Variants in DYTN observed in about 807,000 individuals in gnomAD.
DYTN encodes dystrotelin.
Under a neutral mutation model 69.6 loss-of-function variants are expected in DYTN, and 75 were observed. That is an observed-to-expected ratio of 1.08 (90% CI 0.89 to 1.31). The LOEUF (loss-of-function observed/expected upper bound fraction) is 1.31. Among genes scored for constraint, DYTN ranks in the 50% most tolerant of loss-of-function variants. The pLI is 0.00. For synonymous variants in DYTN, 252 were observed against 249.1 expected, an observed-to-expected ratio of 1.01 and a Z score of -0.11; for missense variants, 726 against 688.4, an observed-to-expected ratio of 1.05 and a Z score of -0.61.
At chr2:206,661,864 G>C (rs905009390) in intron 11 of DYTN, among the ~76,000 whole-genome samples, 2 of 152,148 alleles carry the variant, frequency 1.3e-5, no homozygotes, top group African/African-American at 4.8e-5. Context: ...CTGTGTATGT[G>C]TGTCTATAAA....
intron 9 of DYTN, among the ~76,000 whole-genome samples, chr2:206,690,851 T>C (rs918740472): frequency 1.3e-5 from 2 of 152,126 alleles, no homozygotes; most frequent in African/African-American, 4.8e-5. Flanking sequence ...GGCTTAGTCA[T>C]ATGTGAGGCA....
intron 11 of DYTN, among the ~76,000 whole-genome samples, chr2:206,652,765 A>G (rs1699402069): frequency 1.3e-5 from 2 of 152,188 alleles, no homozygotes; most frequent in South Asian, 4.1e-4. Context: ...GTAAAGACAT[A>G]CATATGTGCA....
At chr2:206,665,733 TG>T in intron 10 of DYTN, 136 bp downstream of exon 10, 1 of 973,356 alleles carries the variant, frequency 1.0e-6, no homozygotes, top group East Asian at 2.7e-5. Context: ...GATGAGGAAA[TG>T]GGAGGTCAGG....
At chr2:206,699,983 G>A in intron 6 of DYTN, 93 bp from the exon 7 acceptor site, 3 of 1,547,290 alleles carry the variant, frequency 1.9e-6, no homozygotes, top group South Asian at 1.3e-5. Context: ...TTCTGCTGAA[G>A]AAGTTTATCA....
intron 5 of DYTN, among the ~76,000 whole-genome samples, chr2:206,701,401 T>A (rs1349468309): frequency 6.6e-6 from 1 of 152,168 alleles, no homozygotes; most frequent in African/African-American, 2.4e-5. Context: ...TAAGTGTCCA[T>A]TGACAGATGA....
chr2:206,687,280 A>G (rs1699822043), intron 9 of DYTN: 1 of 155,242 alleles, frequency 6.4e-6, no homozygotes, highest in South Asian at 1.8e-4. Flanking sequence ...CTGAATCCTT[A>G]CAAGATACGA....
At chr2:206,693,115 T>C in intron 9 of DYTN, 60 bp downstream of exon 9, 2 of 1,530,022 alleles carry the variant, frequency 1.3e-6, no homozygotes, top group Non-Finnish European at 1.8e-6. Flanking sequence ...CCGGTTACCA[T>C]AACACCCAGG....
intron 11 of DYTN, among the ~76,000 whole-genome samples, chr2:206,652,996 GTTTAC>G (rs1194848842): frequency 2.0e-5 from 3 of 152,106 alleles, no homozygotes; most frequent in Non-Finnish European, 4.4e-5. Flanking sequence ...TATGTTAGTT[GTTTAC>G]TTTATAGCTA....
chr2:206,651,844 G>C lies in DYTN; in HGVS notation c.1711C>G (p.Gln571Glu). 1 of 1,613,582 alleles carries C rather than the reference G, an allele frequency of 6.2e-7. No homozygotes were observed. The highest frequency in any genetic ancestry group is 1.1e-5 in the South Asian group (1 of 91,016). Reference sequence around the variant, plus strand: ...CACTTCAAATTGGGCAAGGCAATTTGATCAACAAGGGCAGAGAAGGCCCTG... The same window carrying C: ...CACTTCAAATTGGGCAAGGCAATTTCATCAACAAGGGCAGAGAAGGCCCTG... ...VCRAFSALVDQIALPNLK is the reference protein window; with the variant it reads ...VCRAFSALVDEIALPNLK The change falls in exon 12 of 12, where the codon CAA (glutamine) becomes GAA (glutamate). Residue 571 changes from glutamine (Q) to glutamate (E), a missense_variant. Physicochemically the swap from Gln to Glu is conservative, Grantham distance 29 (BLOSUM62 2). Transcript: ENST00000452335.
intron 9 of DYTN, among the ~76,000 whole-genome samples, chr2:206,677,680 GA>G (rs1699705134): frequency 6.6e-6 from 1 of 152,058 alleles, no homozygotes; most frequent in African/African-American, 2.4e-5. Context: ...AAATTACAAA[GA>G]AAAAGAAAGA....
intron 9 of DYTN, among the ~76,000 whole-genome samples, chr2:206,688,604 G>T (rs1574596828): frequency 6.6e-6 from 1 of 152,244 alleles, no homozygotes; most frequent in East Asian, 1.9e-4. Flanking sequence ...TACTGAAAAA[G>T]CACCAGGAGT....
chr2:206,698,068 C>T (rs1429059673), intron 7 of DYTN, among the ~76,000 whole-genome samples: 1 of 152,146 alleles, frequency 6.6e-6, no homozygotes, highest in African/African-American at 2.4e-5. Flanking sequence ...CTAATACTTG[C>T]TTATTGGTTA....
chr2:206,653,265 G>A (rs562373130), intron 11 of DYTN, among the ~76,000 whole-genome samples: 2 of 152,072 alleles, frequency 1.3e-5, no homozygotes, highest in Non-Finnish European at 2.9e-5. Flanking sequence ...CTCACATACT[G>A]TAATTTTTCT....
At chr2:206,690,698 A>G (rs769439567) in intron 9 of DYTN, among the ~76,000 whole-genome samples, 5 of 152,204 alleles carry the variant, frequency 3.3e-5, no homozygotes, top group Non-Finnish European at 7.3e-5. Context: ...TTGGAGTTGC[A>G]AGAGGGAGTG....
In DYTN at chr2:206,700,186, G is replaced by A. The variant is rs1699962511; in HGVS notation, c.514C>T (p.Leu172=). The part of the protein sequence containing the change: ...IPTFVGESRA[L]CPVESATRSC... Reference sequence around the variant, plus strand: ...CGGGTGGCACTTTCCACAGGGCACAGAGCACGACTCTCTCCCACGAAAGTT... The same window carrying A: ...CGGGTGGCACTTTCCACAGGGCACAAAGCACGACTCTCTCCCACGAAAGTT... The change falls in exon 6 of 12, where the codon CTG becomes TTG. Residue 172 remains leucine (L), a synonymous_variant. Coordinates refer to ENST00000452335, the MANE Select transcript of DYTN (RefSeq NM_001093730.1). 1 of 1,613,904 alleles carries A rather than the reference G, an allele frequency of 6.2e-7. No homozygotes were observed. Among genetic ancestry groups the A allele is most frequent in the Middle Eastern group, 1.6e-4 (1 of 6,062 alleles).
intron 9 of DYTN, among the ~76,000 whole-genome samples, chr2:206,683,797 C>T (rs76288816): frequency 0.034 from 5,129 of 152,178 alleles, 114 homozygotes; most frequent in Middle Eastern, 0.065. Context: ...CTGGCTGTCT[C>T]CTCAGTTTGC....
rs183008564 is a variant in DYTN at position 206,705,948 on chromosome 2, A to G, written c.297-75T>C. 1.9e-3 allele frequency: 2,765 copies of G among 1,491,652 alleles called. 5 individuals are homozygous for G. The highest frequency in any genetic ancestry group is 2.4e-3 in the Non-Finnish European group (2,583 of 1,087,830). The allele number at this position is 1,491,652 out of a possible 1,614,324, so 92.4% of individuals were successfully genotyped here. A position where few individuals can be genotyped will look rare whatever the true frequency, so the allele number is the denominator to read the frequency against. On this transcript the variant is annotated intron_variant, in intron 3 of 11. Coordinates refer to ENST00000452335, the MANE Select transcript of DYTN (RefSeq NM_001093730.1). ...TTTGGTGTAATGGATGATAAAAACCATAACTATTAATGGGCATTTCTGATA... is the reference window on the plus strand; with the variant it reads ...TTTGGTGTAATGGATGATAAAAACCGTAACTATTAATGGGCATTTCTGATA...
intron 1 of DYTN, among the ~76,000 whole-genome samples, chr2:206,717,959 T>C (rs898479342): frequency 3.9e-5 from 6 of 152,212 alleles, no homozygotes; most frequent in Non-Finnish European, 7.3e-5. Context: ...TGAATATACA[T>C]AAAACTAAGG....
intron 7 of DYTN, among the ~76,000 whole-genome samples, chr2:206,698,376 G>T (rs1699942608): frequency 6.6e-6 from 1 of 152,088 alleles, no homozygotes; most frequent in African/African-American, 2.4e-5. Context: ...TTACCTCCAT[G>T]GGGAGCAATT....
Sources: allele counts gnomAD v4.1 joint callset (sites outside exome capture counted in the v4.1 genomes callset), GRCh38; gene constraint gnomAD v4.1.1; transcripts MANE v1.5; gene names NCBI Gene and HGNC (gene_info 2026-07-23, HGNC 2026-07-21).